The following MMS19 variants were observed in gnomAD, a reference collection of about 807,000 sequenced individuals.
MMS19 encodes MMS19 cytosolic iron-sulfur assembly component.
In MMS19, 77 loss-of-function variants were observed where a neutral mutation model predicts 129.8. The observed-to-expected ratio is 0.59, with a 90% CI of 0.49 to 0.72. The LOEUF (loss-of-function observed/expected upper bound fraction) is 0.72, where lower values mean the gene tolerates loss of function less well. Ranked by LOEUF, MMS19 falls within the 30% of genes least tolerant of loss-of-function variation. The pLI is 0.00. For missense variants in MMS19, 1,168 were observed against 1,266.3 expected, an observed-to-expected ratio of 0.92 and a Z score of 1.18; for synonymous variants, 491 against 502.8, an observed-to-expected ratio of 0.98 and a Z score of 0.31.
chr10:97,487,324 T>C (rs1366106142), intron 1 of MMS19, among the ~76,000 whole-genome samples: 1 of 78,470 alleles, frequency 1.3e-5, no homozygotes, highest in Admixed American at 1.4e-4. Context: ...ATTTCTTTTT[T>C]TTTTTTTTTT....
At chr10:97,478,934 A>C (rs1174596995) in intron 3 of MMS19, among the ~76,000 whole-genome samples, 1 of 152,178 alleles carries the variant, frequency 6.6e-6, no homozygotes, top group Non-Finnish European at 1.5e-5. Context: ...ATATACCCCC[A>C]AACAGGCTGT....
intron 10 of MMS19, 37 bp from the exon 11 acceptor site, chr10:97,469,760 C>A: frequency 6.3e-7 from 1 of 1,576,522 alleles, no homozygotes; most frequent in Non-Finnish European, 8.7e-7. Context: ...TATGTACACA[C>A]TCAGACACCC....
At chr10:97,496,997 AAT>A (rs2039924954) in intron 1 of MMS19, among the ~76,000 whole-genome samples, 1 of 152,228 alleles carries the variant, frequency 6.6e-6, no homozygotes, top group Non-Finnish European at 1.5e-5. Flanking sequence ...TTCATAATAA[AAT>A]ATGAGGGAAA....
At chr10:97,464,390 A>G (rs541949003) in intron 18 of MMS19, among the ~76,000 whole-genome samples, 2 of 152,300 alleles carry the variant, frequency 1.3e-5, no homozygotes, top group East Asian at 3.9e-4. Context: ...TTATAATCCA[A>G]GTCTAGTATT....
chr10:97,497,251 G>A (rs528369072), intron 1 of MMS19, among the ~76,000 whole-genome samples: 23 of 152,218 alleles, frequency 1.5e-4, no homozygotes, highest in African/African-American at 5.5e-4. Flanking sequence ...CATGTTTGGG[G>A]AATAATATGT....
chr10:97,468,842 C>T (rs1024513791), intron 12 of MMS19, 124 bp downstream of exon 12: 57 of 1,010,414 alleles, frequency 5.6e-5, no homozygotes, highest in Non-Finnish European at 8.0e-5. Flanking sequence ...CTCCTGACCT[C>T]AGGTGATCCA....
intron 1 of MMS19, among the ~76,000 whole-genome samples, chr10:97,486,825 T>C (rs1214346068): frequency 2.1e-5 from 3 of 139,604 alleles, no homozygotes; most frequent in South Asian, 2.3e-4. Context: ...CAGAATACTT[T>C]TGGAAACTAG....
intron 8 of MMS19, among the ~76,000 whole-genome samples, chr10:97,472,337 T>A (rs2034894082): frequency 6.6e-6 from 1 of 151,984 alleles, no homozygotes; most frequent in African/African-American, 2.4e-5. Flanking sequence ...CCTCCAGGAT[T>A]CAAGCGATTC....
chr10:97,474,308 C>T (rs550063558), intron 8 of MMS19, among the ~76,000 whole-genome samples: 2 of 151,882 alleles, frequency 1.3e-5, no homozygotes, highest in African/African-American at 2.4e-5. Context: ...TTTGGGAGGC[C>T]GAGGCAGGTA....
intron 1 of MMS19, among the ~76,000 whole-genome samples, chr10:97,493,389 C>A (rs527515389): frequency 6.6e-6 from 1 of 152,184 alleles, no homozygotes; most frequent in African/African-American, 2.4e-5. Context: ...CCACCTTGGG[C>A]AACAAAACAA....
intron 1 of MMS19, among the ~76,000 whole-genome samples, chr10:97,490,171 C>T (rs375807829): frequency 2.0e-5 from 3 of 152,198 alleles, no homozygotes; most frequent in Non-Finnish European, 4.4e-5. Context: ...CTCGACTTCC[C>T]AGGCTCAAGT....
intron 2 of MMS19, among the ~76,000 whole-genome samples, chr10:97,483,619 G>GA (rs1437591544): frequency 4.6e-5 from 7 of 152,252 alleles, no homozygotes; most frequent in Non-Finnish European, 1.5e-5. Flanking sequence ...TAAGTGCTTA[G>GA]AATCCCAAGC....
chr10:97,469,794 T>C, intron 10 of MMS19, 71 bp from the exon 11 acceptor site: 1 of 1,326,116 alleles, frequency 7.5e-7, no homozygotes, highest in Non-Finnish European at 1.1e-6. Context: ...TACCTCAGCA[T>C]AATGGCACCT....
chr10:97,458,469 T>C lies in MMS19; in HGVS notation c.*223A>G, dbSNP rs1460083898. On this transcript the variant is annotated 3_prime_UTR_variant, in exon 31 of 31. Transcript: ENST00000438925. Reference sequence around the variant, plus strand: ...TGCAAGAGACCCAGGACCCTAGATCTTTCTTCAAACGCAAGTGTCTCACAC... The same window carrying C: ...TGCAAGAGACCCAGGACCCTAGATCCTTCTTCAAACGCAAGTGTCTCACAC... The C allele has an allele frequency of 1.8e-6, 1 of 563,860 alleles. No individual in the cohort carries two copies. The highest frequency in any genetic ancestry group is 3.1e-6 in the Non-Finnish European group (1 of 320,332). The allele number at this position is 563,860 out of a possible 1,614,324, so 34.9% of individuals were successfully genotyped here.
chr10:97,469,354 C>T (rs1263119480), intron 11 of MMS19, among the ~76,000 whole-genome samples: 1 of 152,232 alleles, frequency 6.6e-6, no homozygotes, highest in Non-Finnish European at 1.5e-5. Flanking sequence ...GCTCACCTTT[C>T]TATTCACCAT....
Position 97,467,546 on chromosome 10 carries a change from C to T in MMS19, c.1256G>A (p.Gly419Asp). The change falls in exon 14 of 31, where the codon GGT (glycine) becomes GAT (aspartate). Residue 419 changes from glycine to aspartate, a missense_variant. Around this residue, in one of 3 missense-constraint regions of MMS19, gnomAD observed 831 missense variants for 910.8 expected, o/e 0.91. Transcript: ENST00000438925. Reference sequence around the variant, plus strand: ...CCATTTCTGCTGCAGCTTCAAGAAACCCAGGAGCATTTCAAGGATTGTCCG... The same window carrying T: ...CCATTTCTGCTGCAGCTTCAAGAAATCCAGGAGCATTTCAAGGATTGTCCG... Reference protein sequence around the residue: ...QRRTILEMLLGFLKLQQKWSY... With the variant: ...QRRTILEMLLDFLKLQQKWSY... 6.2e-7 allele frequency: 1 copy of T among 1,614,000 alleles called. No homozygotes were observed. The highest frequency in any genetic ancestry group is 8.5e-7 in the Non-Finnish European group (1 of 1,179,890).
chr10:97,461,227 TAAAG>T (rs1250782774), intron 23 of MMS19: 2 of 605,088 alleles, frequency 3.3e-6, no homozygotes, highest in East Asian at 5.6e-5. Flanking sequence ...CTACTTCCAA[TAAAG>T]AATTATCCAC....
intron 1 of MMS19, among the ~76,000 whole-genome samples, chr10:97,497,101 C>T (rs2039943711): frequency 6.6e-6 from 1 of 152,170 alleles, no homozygotes; most frequent in Non-Finnish European, 1.5e-5. Context: ...TTGGTGGCAG[C>T]ACCAGGTATT....
At chr10:97,466,035 CCA>C in intron 17 of MMS19, 22 bp downstream of exon 17, 2 of 1,612,854 alleles carry the variant, frequency 1.2e-6, no homozygotes, top group Non-Finnish European at 1.7e-6. Flanking sequence ...AAGGGATGGG[CCA>C]CAGAGGATTA....
Sources: allele counts gnomAD v4.1 joint callset (sites outside exome capture counted in the v4.1 genomes callset), GRCh38; gene constraint gnomAD v4.1.1; regional missense constraint gnomAD v4.1.1; transcripts MANE v1.5; gene names NCBI Gene and HGNC (gene_info 2026-07-23, HGNC 2026-07-21).